ITPRIP: variants seen among roughly 807,000 people sequenced by gnomAD.
ITPRIP encodes inositol 1,4,5-trisphosphate receptor interacting protein, also known as inositol 1,4,5-trisphosphate receptor-interacting protein.
ITPRIP carries 32 observed loss-of-function variants against 35.8 expected under a neutral mutation model. The observed-to-expected ratio is 0.89, with a 90% CI of 0.68 to 1.20. The LOEUF is 1.20. Among genes scored for constraint, ITPRIP ranks in the 50% most tolerant of loss-of-function variants. The probability of loss-of-function intolerance (pLI) is 0.00; values close to 1 mark genes in which losing one functional copy is unlikely to be tolerated. For synonymous variants in ITPRIP, 358 were observed against 324.0 expected (o/e 1.11, Z -1.13); for missense variants, 653 against 735.6 (o/e 0.89, Z 1.30).
chr10:104,313,279 C>T lies in ITPRIP; in HGVS notation c.*1129G>A. ...GCAACTTTCTCTGAACTGGGCCAGA[C>T]TGCAAGCCAGACACCACCACCCCGG... On this transcript the variant is annotated 3_prime_UTR_variant, in exon 2 of 2. Transcript: ENST00000337478. 2.0e-6 allele frequency: 2 copies of T among 985,902 alleles called. No individual in the cohort carries two copies. The highest frequency in any genetic ancestry group is 2.4e-6 in the Non-Finnish European group (2 of 830,254). The allele number at this position is 985,902 out of a possible 1,614,324, so 61.1% of individuals were successfully genotyped here.
intron 1 of ITPRIP, among the ~76,000 whole-genome samples, chr10:104,318,079 A>G (rs2013736856): frequency 6.6e-6 from 1 of 152,214 alleles, no homozygotes. Flanking sequence ...GACAGGATGA[A>G]GTGGAAGAAG....
chr10:104,315,949 C>T lies in ITPRIP; in HGVS notation c.103G>A (p.Glu35Lys). 1 of 1,613,976 alleles carries T rather than the reference C, an allele frequency of 6.2e-7. No homozygotes were observed. The highest frequency in any genetic ancestry group is 8.5e-7 in the Non-Finnish European group (1 of 1,180,024). ...RENATVPENE[E>K]EIIRKMQAHQ... The stretch of plus-strand genomic sequence containing the variant: ...GCCTGCATCTTGCGGATGATCTCCT[C>T]CTCGTTCTCGGGGACTGTGGCGTTC... The change falls in exon 2 of 2, where the codon GAG (glutamate) becomes AAG (lysine). Residue 35 changes from glutamate to lysine, a missense_variant. Physicochemically the swap from Glu to Lys is moderately conservative, Grantham distance 56. Transcript: ENST00000337478. This position sits in a 1 kb window ranked among gnomAD's most constrained non-coding sequence, Gnocchi z 5.7.
intron 1 of ITPRIP, among the ~76,000 whole-genome samples, chr10:104,327,523 A>G (rs1253955224): frequency 3.3e-5 from 5 of 151,874 alleles, no homozygotes; most frequent in Admixed American, 6.6e-5. Context: ...ACCCTACCCA[A>G]CTGACCTCAC....
intron 1 of ITPRIP, among the ~76,000 whole-genome samples, chr10:104,322,797 T>C (rs1334470160): frequency 1.3e-5 from 2 of 152,216 alleles, no homozygotes; most frequent in African/African-American, 4.8e-5. Context: ...AATAAAGGAC[T>C]GGCTGAGGGC....
rs757755727 is a variant in ITPRIP, at chr10:104,315,510, C to G, written c.542G>C (p.Arg181Pro). Reference sequence around the variant, plus strand: ...GTCCTCCACCTCCATGTCGGTGTCCCGGTTGCAGAGGCTCCTCAGGGCTTC... The same window carrying G: ...GTCCTCCACCTCCATGTCGGTGTCCGGGTTGCAGAGGCTCCTCAGGGCTTC... ...LLEALRSLCNRDTDMEVEDFI... is the reference protein window; with the variant it reads ...LLEALRSLCNPDTDMEVEDFI... The change falls in exon 2 of 2, where the codon CGG (arginine) becomes CCG (proline). Residue 181 changes from arginine (R) to proline (P), a missense_variant. Physicochemically the swap from Arg to Pro is moderately radical, Grantham distance 103. Coordinates refer to ENST00000337478, the MANE Select transcript of ITPRIP (RefSeq NM_001272013.2). The surrounding 1 kb of genome is among the most constrained non-coding windows in gnomAD (Gnocchi z 5.7). 1 of 1,614,224 alleles carries G rather than the reference C, an allele frequency of 6.2e-7. No homozygotes were observed. The highest frequency in any genetic ancestry group is 8.5e-7 in the Non-Finnish European group (1 of 1,180,024).
chr10:104,326,003 G>A lies in ITPRIP; in HGVS notation c.-13-9939C>T, dbSNP rs892901281. Among the ~76,000 whole-genome samples the A allele has an allele frequency of 5.3e-5, 8 of 152,204 alleles. No individual in the cohort carries two copies. Among genetic ancestry groups the A allele is most frequent in the East Asian group, 1.9e-4 (1 of 5,168 alleles). On this transcript the variant is annotated intron_variant, in intron 1 of 1. Coordinates refer to ENST00000337478, the MANE Select transcript of ITPRIP (RefSeq NM_001272013.2). The surrounding 1 kb of genome is among the most constrained non-coding windows in gnomAD (Gnocchi z 4.8). Reference sequence around the variant, plus strand: ...CCTGAGGTGGCCCTACCACCGAGCCGGTGGGGAAGTACACGCGGGGCAGAA... The same window carrying A: ...CCTGAGGTGGCCCTACCACCGAGCCAGTGGGGAAGTACACGCGGGGCAGAA...
chr10:104,316,192 C>T, intron 1 of ITPRIP, 128 bp from the exon 2 acceptor site: 1 of 766,704 alleles, frequency 1.3e-6, no homozygotes, highest in African/African-American at 1.8e-5. Context: ...CCATCGAGAG[C>T]TCCCTGCGGC....
At position 104,315,099 on chromosome 10, in the gene ITPRIP, T is replaced by C. The variant is rs142683798; in HGVS notation, c.953A>G (p.Lys318Arg). ...LTRAWKGIAHKYEFDLAFGQL... is the reference protein window; with the variant it reads ...LTRAWKGIAHRYEFDLAFGQL... ...GCCAAAGGCCAGGTCGAACTCGTAC[T>C]TGTGGGCGATGCCCTTCCAGGCTCT... The change falls in exon 2 of 2, where the codon AAG becomes AGG. Residue 318 changes from lysine to arginine, a missense_variant. Physicochemically the swap from Lys to Arg is conservative, Grantham distance 26. Coordinates refer to ENST00000337478, the MANE Select transcript of ITPRIP (RefSeq NM_001272013.2). The surrounding 1 kb of genome is among the most constrained non-coding windows in gnomAD (Gnocchi z 5.7). 3.1e-6 allele frequency: 5 copies of C among 1,614,040 alleles called. No homozygotes were observed. The African/African-American group carries it at 6.7e-5, about 22-fold the overall frequency.
intron 1 of ITPRIP, among the ~76,000 whole-genome samples, chr10:104,335,171 T>A (rs2014213116): frequency 6.6e-6 from 1 of 152,140 alleles, no homozygotes; most frequent in Non-Finnish European, 1.5e-5. Flanking sequence ...TTGTTTAAAG[T>A]GCCTATCGAC....
chr10:104,323,980 A>AGGGTACCACGCAC (rs1242087319), intron 1 of ITPRIP: 2 of 152,712 alleles, frequency 1.3e-5, no homozygotes, highest in African/African-American at 4.8e-5. Context: ...TGCAGCCCCC[A>AGGGTACCACGCAC]GGGTACCACG....
chr10:104,334,772 C>A (rs1009460356), intron 1 of ITPRIP, among the ~76,000 whole-genome samples: 1 of 152,210 alleles, frequency 6.6e-6, no homozygotes, highest in Admixed American at 6.5e-5. Flanking sequence ...CCCACCCTCA[C>A]CCCATGCTGC....
intron 1 of ITPRIP, among the ~76,000 whole-genome samples, chr10:104,334,771 A>T (rs2014207475): frequency 6.6e-6 from 1 of 152,050 alleles, no homozygotes; most frequent in African/African-American, 2.4e-5. Context: ...CCCCACCCTC[A>T]CCCCATGCTG....
rs767794081 is a variant in ITPRIP at position 104,333,134 on chromosome 10, G to A, written c.-14+5112C>T. Reference sequence around the variant, plus strand: ...TGCCCTTCCCCTAACCCTCCTTACAGATCCAGGCTGCAGGAGGACCCCTAA... The same window carrying A: ...TGCCCTTCCCCTAACCCTCCTTACAAATCCAGGCTGCAGGAGGACCCCTAA... On this transcript the variant is annotated intron_variant, in intron 1 of 1. Coordinates refer to ENST00000337478, the MANE Select transcript of ITPRIP (RefSeq NM_001272013.2). This position sits in a 1 kb window ranked among gnomAD's most constrained non-coding sequence, Gnocchi z 4.1. 1.4e-4 allele frequency among the ~76,000 whole-genome samples: 22 copies of A among 152,140 alleles called. No homozygotes were observed. Among genetic ancestry groups the A allele is most frequent in the Admixed American group, 3.3e-4 (5 of 15,276 alleles).
chr10:104,315,804 C>G lies in ITPRIP; in HGVS notation c.248G>C (p.Arg83Pro). The change falls in exon 2 of 2, where the codon CGC (arginine) becomes CCC (proline). Residue 83 changes from arginine (R) to proline (P), a missense_variant. Physicochemically the swap from Arg to Pro is moderately radical, Grantham distance 103 (BLOSUM62 -2). Coordinates refer to ENST00000337478, the MANE Select transcript of ITPRIP (RefSeq NM_001272013.2). The surrounding 1 kb of genome is among the most constrained non-coding windows in gnomAD (Gnocchi z 5.7). ...GGTGCTCCAGAGGTCCCAGGCCACG[C>G]GTGTCTCGTTCTGCTGCCTGCCCTC... The part of the protein sequence containing the change: ...AEEGRQQNET[R>P]VAWDLWSTLC... 1 of 1,613,742 alleles carries G rather than the reference C, an allele frequency of 6.2e-7. No individual in the cohort carries two copies. Among genetic ancestry groups the G allele is most frequent in the Non-Finnish European group, 8.5e-7 (1 of 1,179,842 alleles).
At chr10:104,330,968 G>A (rs2014135784) in intron 1 of ITPRIP, among the ~76,000 whole-genome samples, 1 of 152,158 alleles carries the variant, frequency 6.6e-6, no homozygotes, top group African/African-American at 2.4e-5. Context: ...TTCCTCACCC[G>A]GACTGTTTAG....
At position 104,315,269 on chromosome 10, in the gene ITPRIP, C is replaced by G. The variant is rs764793334; in HGVS notation, c.783G>C (p.Lys261Asn). 3.7e-6 allele frequency: 6 copies of G among 1,605,230 alleles called. No individual in the cohort carries two copies. The East Asian group carries it at 1.1e-4, about 30-fold the overall frequency. The part of the protein sequence containing the change: ...DTLSCICGKT[K>N]LGEDMLCLLH... ...GGAGACACAGCATGTCTTCCCCGAG[C>G]TTGGTCTTGCCGCAGATGCAGCTCA... The change falls in exon 2 of 2, where the codon AAG becomes AAC. Residue 261 changes from lysine to asparagine, a missense_variant. Coordinates refer to ENST00000337478, the MANE Select transcript of ITPRIP (RefSeq NM_001272013.2). The surrounding 1 kb of genome is among the most constrained non-coding windows in gnomAD (Gnocchi z 5.7).
At chr10:104,337,961 G>A (rs1414644594) in intron 1 of ITPRIP, among the ~76,000 whole-genome samples, 3 of 152,194 alleles carry the variant, frequency 2.0e-5, no homozygotes, top group Non-Finnish European at 4.4e-5. Flanking sequence ...CCTCGAGGAG[G>A]AGCTGCCCGC....
intron 1 of ITPRIP, among the ~76,000 whole-genome samples, chr10:104,325,904 G>A (rs1298447849): frequency 6.6e-6 from 1 of 152,206 alleles, no homozygotes; most frequent in Admixed American, 6.5e-5. Flanking sequence ...AGCACCCAGG[G>A]GTCAGTCTGG....
At chr10:104,329,697 C>G (rs1022479029) in intron 1 of ITPRIP, among the ~76,000 whole-genome samples, 1 of 151,998 alleles carries the variant, frequency 6.6e-6, no homozygotes, top group African/African-American at 2.4e-5. Flanking sequence ...CTTAGAGAAC[C>G]ATTGCTAAGG....
Sources: allele counts gnomAD v4.1 joint callset (sites outside exome capture counted in the v4.1 genomes callset), GRCh38; gene constraint gnomAD v4.1.1; non-coding constraint Gnocchi (gnomAD v3.1); transcripts MANE v1.5; gene names NCBI Gene and HGNC (gene_info 2026-07-23, HGNC 2026-07-21).